The following SPOPL variants were observed in gnomAD, a reference collection of about 807,000 sequenced individuals.
SPOPL encodes the protein speckle-type POZ protein-like.
SPOPL carries 23 observed loss-of-function variants against 53.8 expected under a neutral mutation model. That is an observed-to-expected ratio of 0.43 (90% CI 0.31 to 0.61). The LOEUF (loss-of-function observed/expected upper bound fraction) is 0.61. SPOPL is among the 20% of genes least tolerant of loss of function. The pLI is 0.12. For synonymous variants in SPOPL, 164 were observed against 149.7 expected, an observed-to-expected ratio of 1.10 and a Z score of -0.70; for missense variants, 442 against 466.9, an observed-to-expected ratio of 0.95 and a Z score of 0.49.
intron 10 of SPOPL, among the ~76,000 whole-genome samples, chr2:138,567,408 T>TTGCGG (rs1685686687): frequency 6.7e-6 from 1 of 148,698 alleles, no homozygotes; most frequent in Non-Finnish European, 1.5e-5. Flanking sequence ...TGTGTGTGTG[T>TTGCGG]GTGTGTGTGT....
rs149853796 is a variant in SPOPL, at chr2:138,573,274, T to A, written c.*4194T>A. 1 of 152,292 alleles carries A rather than the reference T, an allele frequency of 6.6e-6. No homozygotes were observed. The highest frequency in any genetic ancestry group is 2.4e-5 in the African/African-American group (1 of 41,574). The allele number at this position is 152,292 out of a possible 1,614,324, so 9.4% of individuals were successfully genotyped here. A position where few individuals can be genotyped will look rare whatever the true frequency, so the allele number is the denominator to read the frequency against. ...TGTTTATTTGAAGAATACATACTCTTCTTTTTCAGGTTGGTATGATGCTTT... is the reference window on the plus strand; with the variant it reads ...TGTTTATTTGAAGAATACATACTCTACTTTTTCAGGTTGGTATGATGCTTT... On this transcript the variant is annotated 3_prime_UTR_variant, in exon 11 of 11. Transcript: ENST00000280098.
At chr2:138,562,658 C>T (rs1057106337) in intron 8 of SPOPL, among the ~76,000 whole-genome samples, 1 of 151,756 alleles carries the variant, frequency 6.6e-6, no homozygotes, top group Non-Finnish European at 1.5e-5. Flanking sequence ...GTGGTGTGTG[C>T]CTGTAATCCC....
At chr2:138,539,410 T>C (rs954289456) in intron 1 of SPOPL, among the ~76,000 whole-genome samples, 4 of 151,986 alleles carry the variant, frequency 2.6e-5, no homozygotes, top group Non-Finnish European at 5.9e-5. Flanking sequence ...CTCCAGCACC[T>C]GTTGTTTCCT....
At position 138,572,821 on chromosome 2, in the gene SPOPL, T is replaced by C. The variant is rs577943207; in HGVS notation, c.*3741T>C. 6.5e-5 allele frequency: 10 copies of C among 152,734 alleles called. No individual in the cohort carries two copies. Among genetic ancestry groups the C allele is most frequent in the Non-Finnish European group, 1.3e-4 (9 of 68,004 alleles). 9.5% of individuals were successfully genotyped at this position (152,734 alleles called of 1,614,324 possible). Reference sequence around the variant, plus strand: ...GAACAAATATTGAGTGCCTATCATATGCAAGACTAACTCCTTACTAGGAAT... The same window carrying C: ...GAACAAATATTGAGTGCCTATCATACGCAAGACTAACTCCTTACTAGGAAT... On this transcript the variant is annotated 3_prime_UTR_variant, in exon 11 of 11. Coordinates refer to ENST00000280098, the MANE Select transcript of SPOPL (RefSeq NM_001001664.3).
At chr2:138,502,570 C>T (rs1339024166) in intron 1 of SPOPL, among the ~76,000 whole-genome samples, 2 of 152,340 alleles carry the variant, frequency 1.3e-5, no homozygotes, top group Middle Eastern at 3.4e-3. Context: ...AATACAGACA[C>T]TTGAAACTCT....
intron 1 of SPOPL, 55 bp from the exon 2 acceptor site, chr2:138,550,102 T>C: frequency 1.2e-6 from 1 of 823,236 alleles, no homozygotes; most frequent in Non-Finnish European, 2.0e-6. Flanking sequence ...GTCTTCCCTC[T>C]TGATTCTGTC....
intron 10 of SPOPL, among the ~76,000 whole-genome samples, chr2:138,566,385 T>C (rs1041634605): frequency 3.3e-4 from 50 of 152,200 alleles, no homozygotes; most frequent in Admixed American, 6.5e-5. Flanking sequence ...TTTATAACTT[T>C]TTCAGTGTCA....
At chr2:138,567,344 A>G (rs953763992) in intron 10 of SPOPL, among the ~76,000 whole-genome samples, 4 of 148,086 alleles carry the variant, frequency 2.7e-5, no homozygotes, top group African/African-American at 7.4e-5. Flanking sequence ...GAGATGCGCA[A>G]AGTTTTAACA....
chr2:138,550,788 G>A (rs1558876270), intron 3 of SPOPL, 115 bp from the exon 4 acceptor site: 3 of 1,419,876 alleles, frequency 2.1e-6, no homozygotes, highest in Non-Finnish European at 2.9e-6. Context: ...AGTGCTGTTT[G>A]TGACATTAAC....
At chr2:138,550,393 G>GT (rs1281004225) in intron 2 of SPOPL, 90 bp from the exon 3 acceptor site, 1 of 1,584,148 alleles carries the variant, frequency 6.3e-7, no homozygotes, top group East Asian at 2.2e-5. Flanking sequence ...TATTAGAAGT[G>GT]TTAGAAGACT....
chr2:138,517,478 C>A (rs770963401), intron 1 of SPOPL, among the ~76,000 whole-genome samples: 1 of 152,072 alleles, frequency 6.6e-6, no homozygotes, highest in South Asian at 2.1e-4. Context: ...CGGTGACTCA[C>A]GCCTGTAATC....
chr2:138,557,910 A>G (rs1022740176), intron 5 of SPOPL, among the ~76,000 whole-genome samples: 1 of 152,108 alleles, frequency 6.6e-6, no homozygotes, highest in Non-Finnish European at 1.5e-5. Context: ...TGTAATCCCA[A>G]CACTTTGGGA....
intron 1 of SPOPL, among the ~76,000 whole-genome samples, chr2:138,542,963 T>G (rs1573893736): frequency 6.6e-6 from 1 of 152,214 alleles, no homozygotes; most frequent in South Asian, 2.1e-4. Context: ...TTTGCTTGTC[T>G]GTAAAGGATG....
At chr2:138,559,978 G>T (rs1018071954) in intron 7 of SPOPL, among the ~76,000 whole-genome samples, 2 of 152,118 alleles carry the variant, frequency 1.3e-5, no homozygotes, top group African/African-American at 2.4e-5. Flanking sequence ...CCAAGTTTTG[G>T]TTTGGGGAGA....
intron 1 of SPOPL, among the ~76,000 whole-genome samples, chr2:138,529,027 T>C (rs1355616821): frequency 6.6e-6 from 1 of 152,242 alleles, no homozygotes; most frequent in African/African-American, 2.4e-5. Context: ...AAATGTTATT[T>C]ATACATTTTA....
At chr2:138,560,668 T>C (rs1032710195) in intron 7 of SPOPL, 137 bp from the exon 8 acceptor site, 12 of 933,356 alleles carry the variant, frequency 1.3e-5, no homozygotes, top group African/African-American at 6.9e-5. Flanking sequence ...TTTAGAAATA[T>C]CTGTGTATGT....
At chr2:138,518,129 ACT>A (rs559980256) in intron 1 of SPOPL, among the ~76,000 whole-genome samples, 28 of 151,322 alleles carry the variant, frequency 1.9e-4, no homozygotes, top group Non-Finnish European at 3.2e-4. Context: ...AAGGCAAATG[ACT>A]CTATTATGAT....
chr2:138,503,196 C>T (rs1392226206), intron 1 of SPOPL, among the ~76,000 whole-genome samples: 1 of 152,180 alleles, frequency 6.6e-6, no homozygotes, highest in Non-Finnish European at 1.5e-5. Context: ...TGGTTAAGAA[C>T]TCTTCTCTAG....
At chr2:138,547,389 C>A (rs1685219213) in intron 1 of SPOPL, among the ~76,000 whole-genome samples, 1 of 152,144 alleles carries the variant, frequency 6.6e-6, no homozygotes, top group Non-Finnish European at 1.5e-5. Context: ...GAAGAACTTT[C>A]TCTTTACCCT....
Sources: allele counts gnomAD v4.1 joint callset (sites outside exome capture counted in the v4.1 genomes callset), GRCh38; gene constraint gnomAD v4.1.1; transcripts MANE v1.5; gene names NCBI Gene and HGNC (gene_info 2026-07-23, HGNC 2026-07-21).